The following SNTG1 variants were observed in gnomAD, a reference collection of about 807,000 sequenced individuals.
SNTG1 encodes gamma-1-syntrophin.
Under a neutral mutation model 74.7 loss-of-function variants are expected in SNTG1, and 39 were observed. The ratio of observed to expected loss-of-function variants is 0.52; its 90% CI spans 0.40 to 0.68. The LOEUF is 0.68. Among genes scored for constraint, SNTG1 ranks in the 30% least tolerant of loss-of-function variants. The pLI is 0.00. For missense variants in SNTG1, 685 were observed against 609.5 expected (o/e 1.12, Z -1.30); for synonymous variants, 254 against 217.1 (o/e 1.17, Z -1.49).
At chr8:50,571,719 A>G (rs896873389) in intron 12 of SNTG1, among the ~76,000 whole-genome samples, 1 of 152,176 alleles carries the variant, frequency 6.6e-6, no homozygotes, top group African/African-American at 2.4e-5. Context: ...TTTCACCTCT[A>G]AATGTTCATT....
chr8:50,292,575 C>A (rs75936508), intron 2 of SNTG1, among the ~76,000 whole-genome samples: 7,206 of 151,984 alleles, frequency 0.047, 215 homozygotes, highest in Middle Eastern at 0.099. Flanking sequence ...CTGTGTCTGG[C>A]GCCCAGATGG....
intron 11 of SNTG1, among the ~76,000 whole-genome samples, chr8:50,549,045 G>A (rs1339579600): frequency 6.6e-6 from 1 of 152,108 alleles, no homozygotes; most frequent in Non-Finnish European, 1.5e-5. Flanking sequence ...AGGAGTACTG[G>A]GGAGAAAGAC....
intron 18 of SNTG1, among the ~76,000 whole-genome samples, chr8:50,756,781 A>T (rs2131720577): frequency 6.6e-6 from 1 of 151,826 alleles, no homozygotes; most frequent in South Asian, 2.1e-4. Context: ...ATATTTTAGA[A>T]TCAATTTGTC....
chr8:50,422,274 T>C (rs2093099744), intron 4 of SNTG1, among the ~76,000 whole-genome samples: 1 of 151,510 alleles, frequency 6.6e-6, no homozygotes. Flanking sequence ...CTATCTACTA[T>C]CTATCTATCT....
chr8:50,401,139 C>T (rs2092799835), intron 3 of SNTG1, among the ~76,000 whole-genome samples: 1 of 151,824 alleles, frequency 6.6e-6, no homozygotes, highest in Non-Finnish European at 1.5e-5. Flanking sequence ...TGTATATCCC[C>T]ATATATATAT....
chr8:50,247,381 T>C lies in SNTG1; in HGVS notation c.-28+74746T>C, dbSNP rs61014770. On this transcript the variant is annotated intron_variant, in intron 2 of 18. Coordinates refer to ENST00000642720, the MANE Select transcript of SNTG1 (RefSeq NM_018967.5). ...TCAGATTTAGCAGAATTCATATTGC[T>C]TTGATAGGGGCCATTTTCAAGCTGA... Among the ~76,000 whole-genome samples, 870 of 152,246 alleles carry C rather than the reference T, an allele frequency of 5.7e-3. 9 individuals carry two copies. Among genetic ancestry groups the C allele is most frequent in the African/African-American group, 0.02 (834 of 41,566 alleles).
chr8:50,704,740 A>C lies in SNTG1; in HGVS notation c.1179A>C (p.Val393=). The stretch of plus-strand genomic sequence containing the variant: ...TCCAGACAGCAACCTTTCTAGAAGT[A>C]GAACGGATACAGGTGAGAGTCTGTG... The part of the protein sequence containing the change: ...RAFQTATFLE[V]ERIQCKTYAC... The change falls in exon 16 of 19, where the codon GTA becomes GTC. Residue 393 remains valine (V), a synonymous_variant. Coordinates refer to ENST00000642720, the MANE Select transcript of SNTG1 (RefSeq NM_018967.5). 3 of 1,614,100 alleles carry C rather than the reference A, an allele frequency of 1.9e-6. No individual in the cohort carries two copies. The highest frequency in any genetic ancestry group is 2.5e-6 in the Non-Finnish European group (3 of 1,179,994).
intron 15 of SNTG1, among the ~76,000 whole-genome samples, chr8:50,688,306 G>C (rs2095361895): frequency 6.6e-6 from 1 of 152,074 alleles, no homozygotes; most frequent in African/African-American, 2.4e-5. Flanking sequence ...ATTGCTTTTG[G>C]TATTTTAGAC....
At chr8:50,076,846 T>G (rs1275009720) in intron 1 of SNTG1, among the ~76,000 whole-genome samples, 1 of 152,168 alleles carries the variant, frequency 6.6e-6, no homozygotes, top group Non-Finnish European at 1.5e-5. Flanking sequence ...TCAGGAGATA[T>G]CCAGAACTTT....
chr8:50,225,208 G>A (rs900756024), intron 2 of SNTG1, among the ~76,000 whole-genome samples: 1 of 151,914 alleles, frequency 6.6e-6, no homozygotes, highest in Non-Finnish European at 1.5e-5. Context: ...TCCTGACCTC[G>A]TGATCCACCC....
At chr8:50,158,148 G>A (rs1586526366) in intron 1 of SNTG1, among the ~76,000 whole-genome samples, 1 of 152,064 alleles carries the variant, frequency 6.6e-6, no homozygotes. Flanking sequence ...CTTCTACTAA[G>A]CAGTAAAGGG....
At chr8:49,913,329 A>G (rs895185596) in intron 1 of SNTG1, among the ~76,000 whole-genome samples, 2 of 152,214 alleles carry the variant, frequency 1.3e-5, no homozygotes, top group Admixed American at 1.3e-4. Context: ...TTTTACTTTT[A>G]ATTTCACTGG....
chr8:49,977,405 G>A (rs1019227057), intron 1 of SNTG1, among the ~76,000 whole-genome samples: 1 of 152,126 alleles, frequency 6.6e-6, no homozygotes, highest in Non-Finnish European at 1.5e-5. Context: ...GTTGTTTTGA[G>A]AGTGCTCCAT....
chr8:50,712,083 A>T (rs1310174537), intron 17 of SNTG1, among the ~76,000 whole-genome samples: 1 of 152,148 alleles, frequency 6.6e-6, no homozygotes, highest in African/African-American at 2.4e-5. Flanking sequence ...TCTACAAAAC[A>T]CTCATTTAAT....
chr8:50,502,665 G>A (rs2093971304), intron 8 of SNTG1, 113 bp from the exon 9 acceptor site: 1 of 782,676 alleles, frequency 1.3e-6, no homozygotes, highest in Non-Finnish European at 2.0e-6. Context: ...AAATGTTTCT[G>A]AATACTAGGG....
intron 18 of SNTG1, among the ~76,000 whole-genome samples, chr8:50,776,689 T>G (rs2131809223): frequency 6.6e-6 from 1 of 151,784 alleles, no homozygotes; most frequent in African/African-American, 2.4e-5. Flanking sequence ...ACCATATTCT[T>G]TCTTTCTTCC....
chr8:50,160,387 G>A (rs1407251986), intron 1 of SNTG1, among the ~76,000 whole-genome samples: 1 of 152,076 alleles, frequency 6.6e-6, no homozygotes, highest in African/African-American at 2.4e-5. Flanking sequence ...ATTTGAAAGG[G>A]AAAATGCTAT....
chr8:50,308,146 G>A (rs950436975), intron 2 of SNTG1, among the ~76,000 whole-genome samples: 19 of 151,308 alleles, frequency 1.3e-4, no homozygotes, highest in Admixed American at 4.0e-4. Context: ...CTTTGGAAGC[G>A]CTCACAGGAC....
intron 2 of SNTG1, among the ~76,000 whole-genome samples, chr8:50,374,862 T>C (rs973179120): frequency 1.3e-5 from 2 of 152,204 alleles, no homozygotes; most frequent in African/African-American, 4.8e-5. Context: ...GTTGGAAAAC[T>C]GTTTTAAGTT....
Sources: allele counts gnomAD v4.1 joint callset (sites outside exome capture counted in the v4.1 genomes callset), GRCh38; gene constraint gnomAD v4.1.1; transcripts MANE v1.5; gene names NCBI Gene and HGNC (gene_info 2026-07-23, HGNC 2026-07-21).